Variants in UBE3D observed in about 807,000 individuals in gnomAD.
UBE3D encodes the protein E3 ubiquitin-protein ligase E3D.
In UBE3D, 48 loss-of-function variants were observed where a neutral mutation model predicts 49.6. The observed-to-expected ratio is 0.97, with a 90% CI of 0.77 to 1.23. The LOEUF (loss-of-function observed/expected upper bound fraction) is 1.23, where lower values mean the gene tolerates loss of function less well. UBE3D is among the 50% of genes most tolerant of loss of function. The pLI, the probability that UBE3D is intolerant of heterozygous loss-of-function variation, is 0.00. For missense variants in UBE3D, 452 were observed against 468.4 expected (o/e 0.96, Z 0.32); for synonymous variants, 189 against 174.2 (o/e 1.08, Z -0.67).
intron 8 of UBE3D, chr6:83,017,997 AG>A (rs1210492920): frequency 6.6e-6 from 1 of 152,180 alleles, no homozygotes; most frequent in Non-Finnish European, 1.5e-5. Context: ...TGAACAGAAA[AG>A]GAAGTGGAAG....
rs1582391914 is a variant in UBE3D at position 82,934,032 on chromosome 6, G to A, written c.1149+23280C>T. ...ATTGTAATCCCCATAATCCCCAAGTGTTGAGGGAGTGTCCTGGTAGGAGGT... is the reference window on the plus strand; with the variant it reads ...ATTGTAATCCCCATAATCCCCAAGTATTGAGGGAGTGTCCTGGTAGGAGGT... On this transcript the variant is annotated intron_variant, in intron 9 of 9. Coordinates refer to ENST00000369747, the MANE Select transcript of UBE3D (RefSeq NM_198920.3). Among the ~76,000 whole-genome samples, 3 of 152,328 alleles carry A rather than the reference G, an allele frequency of 2.0e-5. No individual in the cohort carries two copies. The East Asian group carries it at 5.8e-4, about 29-fold the overall frequency.
chr6:83,055,454 A>G (rs1783755367), intron 2 of UBE3D, among the ~76,000 whole-genome samples: 1 of 152,242 alleles, frequency 6.6e-6, no homozygotes, highest in Non-Finnish European at 1.5e-5. Flanking sequence ...AAGGTGCAAT[A>G]AACAGTATTA....
At chr6:82,892,278 T>G (rs1467945451), downstream of UBE3D, 1 of 152,284 alleles carries the variant, frequency 6.6e-6, no homozygotes, top group Non-Finnish European at 1.5e-5. Context: ...CAAACGTTCC[T>G]TGTGAAATTA....
intron 1 of UBE3D, among the ~76,000 whole-genome samples, chr6:83,063,911 T>G (rs1056842918): frequency 1.8e-4 from 28 of 152,196 alleles, no homozygotes; most frequent in African/African-American, 6.5e-4. Flanking sequence ...TGAAAATGTA[T>G]GTCCAAAAAA....
chr6:82,900,554 C>G (rs1161867890), intron 9 of UBE3D, among the ~76,000 whole-genome samples: 1 of 152,142 alleles, frequency 6.6e-6, no homozygotes, highest in Non-Finnish European at 1.5e-5. Flanking sequence ...AACAGACATG[C>G]AACCAAGAAG....
chr6:83,022,958 C>T (rs1280990887), intron 6 of UBE3D, among the ~76,000 whole-genome samples: 2 of 152,192 alleles, frequency 1.3e-5, no homozygotes, highest in Non-Finnish European at 2.9e-5. Flanking sequence ...TCTACATTTT[C>T]TTCCATTTGG....
At chr6:82,915,644 A>G (rs1487712228) in intron 9 of UBE3D, among the ~76,000 whole-genome samples, 1 of 152,190 alleles carries the variant, frequency 6.6e-6, no homozygotes, top group Admixed American at 6.5e-5. Context: ...CTTCTTGTCA[A>G]CATGCTCTCT....
chr6:82,974,982 A>AT (rs908189095), intron 8 of UBE3D, among the ~76,000 whole-genome samples: 1 of 152,054 alleles, frequency 6.6e-6, no homozygotes, highest in African/African-American at 2.4e-5. Context: ...AAAAATGCTT[A>AT]TTTTTTTATT....
chr6:82,939,185 G>A (rs1774820137), intron 9 of UBE3D, among the ~76,000 whole-genome samples: 1 of 152,190 alleles, frequency 6.6e-6, no homozygotes, highest in Non-Finnish European at 1.5e-5. Flanking sequence ...GTAAGAGAAG[G>A]TGAGTGCTCT....
chr6:83,063,784 AAC>A (rs1434936764), intron 1 of UBE3D, among the ~76,000 whole-genome samples: 1 of 152,348 alleles, frequency 6.6e-6, no homozygotes, highest in African/African-American at 2.4e-5. Flanking sequence ...TTTCTGGTTG[AAC>A]GTGCAAACTG....
chr6:82,889,029 G>A (rs180941284), downstream of UBE3D, among the ~76,000 whole-genome samples: 45 of 152,264 alleles, frequency 3.0e-4, no homozygotes, highest in Admixed American at 2.6e-3. Flanking sequence ...TAAACCAAGA[G>A]AAATGGTTAC....
At chr6:82,909,656 T>A (rs12210147) in intron 9 of UBE3D, among the ~76,000 whole-genome samples, 1 of 152,162 alleles carries the variant, frequency 6.6e-6, no homozygotes, top group Non-Finnish European at 1.5e-5. Flanking sequence ...ATTAGAACTC[T>A]TAGGTTGGAA....
Position 82,957,364 on chromosome 6 carries a change from G to A in UBE3D, c.1097C>T (p.Ser366Leu). The A allele has an allele frequency of 6.2e-7, 1 of 1,614,106 alleles. No homozygotes were observed. The highest frequency in any genetic ancestry group is 8.5e-7 in the Non-Finnish European group (1 of 1,180,008). ...TGAAGGCAGATTGGCATTACTCTTT[G>A]ACAATATCAACAGCAGCTCCAAGCA... is the stretch of plus-strand genomic sequence containing the variant. ...ATCLELLLIL[S>L]KSNANLPSSL... The change falls in exon 9 of 10, where the codon TCA becomes TTA. Residue 366 changes from serine to leucine, a missense_variant. Physicochemically the swap from Ser to Leu is moderately radical, Grantham distance 145 (BLOSUM62 -2). Transcript: ENST00000369747.
At chr6:82,978,794 G>T (rs1176409352) in intron 8 of UBE3D, among the ~76,000 whole-genome samples, 2 of 152,132 alleles carry the variant, frequency 1.3e-5, no homozygotes, top group Non-Finnish European at 2.9e-5. Context: ...CAGCATTAAG[G>T]TTCTGATACA....
rs368145943 is a variant in UBE3D at position 83,044,632 on chromosome 6, C to G, written c.393G>C (p.Pro131=). 6.2e-7 allele frequency: 1 copy of G among 1,614,018 alleles called. No individual in the cohort carries two copies. Among genetic ancestry groups the G allele is most frequent in the Admixed American group, 1.7e-5 (1 of 60,012 alleles). Residue 131 remains proline (P), a synonymous_variant, in exon 4 of 10, where the codon CCG becomes CCC. Coordinates refer to ENST00000369747, the MANE Select transcript of UBE3D (RefSeq NM_198920.3). ...DRKLLRVLPL[P]SENWGALVGE... is the part of the protein sequence containing the mutation. ...CAACTAGAGCTCCCCAGTTCTCACT[C>G]GGCAGTGGGAGCACCCTGAGGAGCT...
chr6:82,940,119 T>G (rs1187341374), intron 9 of UBE3D, among the ~76,000 whole-genome samples: 1 of 152,200 alleles, frequency 6.6e-6, no homozygotes, highest in Non-Finnish European at 1.5e-5. Context: ...ACTAAATTTC[T>G]GGTTAACCTC....
chr6:82,967,416 C>T (rs376996175), intron 8 of UBE3D, among the ~76,000 whole-genome samples: 128 of 152,052 alleles, frequency 8.4e-4, no homozygotes, highest in African/African-American at 2.9e-3. Context: ...CAGAACAGTT[C>T]CATTACGAGC....
In UBE3D at chr6:82,966,402, G is replaced by C. The variant is rs1228568570; in HGVS notation, c.1011-8952C>G. Among the ~76,000 whole-genome samples, 2 of 133,144 alleles carry C rather than the reference G, an allele frequency of 1.5e-5. 1 individual carries two copies. Among genetic ancestry groups the C allele is most frequent in the Non-Finnish European group, 3.2e-5 (2 of 62,034 alleles). 87.3% of individuals were successfully genotyped at this position (133,144 alleles called of 152,430 possible). On this transcript the variant is annotated intron_variant, in intron 8 of 9. Transcript: ENST00000369747. ...GCGGTGGCTCACGCCTGTAATCCCA[G>C]CACTTTGGGAGGCCGAGGCGGGCGG...
intron 9 of UBE3D, among the ~76,000 whole-genome samples, chr6:82,894,929 T>A (rs542108372): frequency 6.6e-6 from 1 of 151,654 alleles, no homozygotes; most frequent in African/African-American, 2.4e-5. Context: ...TTTATCTCTT[T>A]TGTAATTCTG....
Sources: gnomAD v4.1 joint callset for allele counts (sites outside exome capture counted in the v4.1 genomes callset) on GRCh38, gnomAD v4.1.1 for gene constraint, MANE v1.5 for transcripts, NCBI Gene and HGNC (gene_info 2026-07-23, HGNC 2026-07-21) for gene names.